SSBP2: variants seen among roughly 807,000 people sequenced by gnomAD.
SSBP2 encodes the protein single stranded DNA binding protein 2.
A neutral mutation model predicts 61.8 loss-of-function variants in SSBP2; 17 were observed. The ratio of observed to expected loss-of-function variants is 0.28; its 90% CI spans 0.19 to 0.41. SSBP2 has a LOEUF of 0.41. SSBP2 is among the 10% of genes least tolerant of loss of function. The probability of loss-of-function intolerance (pLI) is 1.00; values close to 1 mark genes in which losing one functional copy is unlikely to be tolerated. For synonymous variants in SSBP2, 139 were observed against 141.3 expected, an observed-to-expected ratio of 0.98 and a Z score of 0.12; for missense variants, 310 against 458.7, an observed-to-expected ratio of 0.68 and a Z score of 2.96.
intron 4 of SSBP2, among the ~76,000 whole-genome samples, chr5:81,601,202 T>C (rs896080176): frequency 1.3e-5 from 2 of 152,234 alleles, no homozygotes; most frequent in African/African-American, 2.4e-5. Flanking sequence ...CTCAATTTAA[T>C]AACACATTCC....
In SSBP2 at chr5:81,598,533, T is replaced by C. The variant is rs531073146; in HGVS notation, c.282+16940A>G. 3.3e-5 allele frequency among the ~76,000 whole-genome samples: 5 copies of C among 152,294 alleles called. No homozygotes were observed. The South Asian group carries it at 1.0e-3, about 32-fold the overall frequency. ...ATTACTGTTTGGGGATAATTCGTTA[T>C]GCAAACATAAAGTAGAACAATGATC... On this transcript the variant is annotated intron_variant, in intron 4 of 16. Coordinates refer to ENST00000320672, the MANE Select transcript of SSBP2 (RefSeq NM_012446.5).
intron 1 of SSBP2, among the ~76,000 whole-genome samples, chr5:81,730,428 T>A (rs1224945256): frequency 1.3e-5 from 2 of 152,182 alleles, no homozygotes; most frequent in Non-Finnish European, 2.9e-5. Flanking sequence ...TTTCACCATG[T>A]TGGCCAGGCT....
rs141043393 is a variant in SSBP2 at position 81,730,288 on chromosome 5, G to A, written c.62+20693C>T. 2.2e-3 allele frequency among the ~76,000 whole-genome samples: 339 copies of A among 152,214 alleles called. 2 individuals are homozygous for A. Among genetic ancestry groups the A allele is most frequent in the African/African-American group, 7.7e-3 (318 of 41,534 alleles). On this transcript the variant is annotated intron_variant, in intron 1 of 16. Transcript: ENST00000320672. ...CGCCCAGGCTGGAGTGCAGTGGCAC[G>A]ATCTCGGCTCACTGCAACCTCCACC...
At chr5:81,546,477 T>C (rs1441301867) in intron 4 of SSBP2, among the ~76,000 whole-genome samples, 1 of 151,852 alleles carries the variant, frequency 6.6e-6, no homozygotes, top group Non-Finnish European at 1.5e-5. Flanking sequence ...ATAACAAAAA[T>C]TGCTGCTGCC....
At chr5:81,495,558 C>A (rs1767212795) in intron 5 of SSBP2, among the ~76,000 whole-genome samples, 1 of 152,126 alleles carries the variant, frequency 6.6e-6, no homozygotes, top group African/African-American at 2.4e-5. Context: ...TTTATTTATA[C>A]CACTTATCAT....
intron 3 of SSBP2, chr5:81,616,603 G>A (rs1746073032): frequency 2.1e-5 from 3 of 145,770 alleles, no homozygotes; most frequent in African/African-American, 5.1e-5. Context: ...GCCCACCACA[G>A]CTCAAGGAGG....
intron 1 of SSBP2, among the ~76,000 whole-genome samples, chr5:81,692,167 GA>G (rs1351461334): frequency 1.3e-5 from 2 of 152,294 alleles, no homozygotes; most frequent in East Asian, 3.9e-4. Context: ...AAAGCTGCAG[GA>G]AGCAAAACCA....
At chr5:81,512,090 T>C (rs969406593) in intron 5 of SSBP2, among the ~76,000 whole-genome samples, 11 of 152,216 alleles carry the variant, frequency 7.2e-5, no homozygotes, top group African/African-American at 2.7e-4. Context: ...AACTCTCAAA[T>C]ATATATTTTT....
chr5:81,751,221 T>C (rs947773307), upstream of SSBP2: 90 of 644,302 alleles, frequency 1.4e-4, no homozygotes, highest in Admixed American at 7.1e-4. Context: ...CCCCTCCCTC[T>C]GGCCTTCCGA....
chr5:81,486,592 G>C (rs1296339537), intron 6 of SSBP2, among the ~76,000 whole-genome samples: 6 of 151,990 alleles, frequency 3.9e-5, no homozygotes, highest in Non-Finnish European at 7.4e-5. Flanking sequence ...AAACCATGAA[G>C]CCTGCCTCCA....
intron 6 of SSBP2, among the ~76,000 whole-genome samples, chr5:81,475,586 T>A (rs1020845826): frequency 1.3e-5 from 2 of 152,144 alleles, no homozygotes; most frequent in Non-Finnish European, 2.9e-5. Context: ...ATGTTCTAAC[T>A]TCCAGCCATA....
At chr5:81,662,173 T>C (rs1239414958) in intron 1 of SSBP2, among the ~76,000 whole-genome samples, 1 of 152,198 alleles carries the variant, frequency 6.6e-6, no homozygotes, top group Non-Finnish European at 1.5e-5. Context: ...CAAATAAAAT[T>C]ATTTCCAATT....
intron 1 of SSBP2, among the ~76,000 whole-genome samples, chr5:81,721,803 A>C (rs1205065276): frequency 6.6e-6 from 1 of 152,116 alleles, no homozygotes; most frequent in African/African-American, 2.4e-5. Flanking sequence ...ATAAGGAATC[A>C]AATGCCTTTG....
intron 4 of SSBP2, among the ~76,000 whole-genome samples, chr5:81,607,343 C>G (rs1234057358): frequency 6.6e-6 from 1 of 152,154 alleles, no homozygotes; most frequent in African/African-American, 2.4e-5. Flanking sequence ...GCATCTCATT[C>G]AGAAATAGTA....
intron 4 of SSBP2, among the ~76,000 whole-genome samples, chr5:81,527,141 T>C (rs1291360648): frequency 6.6e-6 from 1 of 152,006 alleles, no homozygotes; most frequent in Non-Finnish European, 1.5e-5. Flanking sequence ...CCTGAGATGA[T>C]TTTATCATAG....
chr5:81,589,276 G>C (rs1454915078), intron 4 of SSBP2, among the ~76,000 whole-genome samples: 2 of 152,122 alleles, frequency 1.3e-5, no homozygotes, highest in Non-Finnish European at 2.9e-5. Flanking sequence ...GACTACAAAA[G>C]ATAAACAGTG....
At chr5:81,569,041 G>A (rs1205632453) in intron 4 of SSBP2, among the ~76,000 whole-genome samples, 1 of 152,178 alleles carries the variant, frequency 6.6e-6, no homozygotes, top group Non-Finnish European at 1.5e-5. Flanking sequence ...AGGACTGGGT[G>A]AAGGTTCCAC....
At chr5:81,721,060 C>T (rs529725083) in intron 1 of SSBP2, among the ~76,000 whole-genome samples, 1 of 152,030 alleles carries the variant, frequency 6.6e-6, no homozygotes, top group Admixed American at 6.5e-5. Context: ...GAAATAAAGC[C>T]AAAGATATAC....
chr5:81,552,906 T>A (rs557134738), intron 4 of SSBP2, among the ~76,000 whole-genome samples: 1 of 152,282 alleles, frequency 6.6e-6, no homozygotes. Context: ...TTACACAGCA[T>A]GTAATATTAT....
Sources: allele counts gnomAD v4.1 joint callset (sites outside exome capture counted in the v4.1 genomes callset), GRCh38; gene constraint gnomAD v4.1.1; transcripts MANE v1.5; gene names NCBI Gene and HGNC (gene_info 2026-07-23, HGNC 2026-07-21).